The following ADARB2 variants were observed in gnomAD, a reference collection of about 807,000 sequenced individuals.
The protein encoded by ADARB2 is inactive double-stranded RNA-specific editase B2.
ADARB2 carries 25 observed loss-of-function variants against 62.2 expected under a neutral mutation model. The ratio of observed to expected loss-of-function variants is 0.40; its 90% CI spans 0.29 to 0.56. The LOEUF is 0.56. Among genes scored for constraint, ADARB2 ranks in the 20% least tolerant of loss-of-function variants. The pLI, the probability that ADARB2 is intolerant of heterozygous loss-of-function variation, is 0.43. For missense variants in ADARB2, 1,071 were observed against 1,077.4 expected (o/e 0.99, Z 0.08); for synonymous variants, 572 against 500.8 (o/e 1.14, Z -1.90).
At chr10:1,243,326 C>G (rs1830945526) in intron 4 of ADARB2, among the ~76,000 whole-genome samples, 1 of 152,244 alleles carries the variant, frequency 6.6e-6, no homozygotes, top group Non-Finnish European at 1.5e-5. Flanking sequence ...CCTGTAAATA[C>G]ACGTCCGGAC....
rs146089128 is a variant in ADARB2 at position 1,315,341 on chromosome 10, G to A, written c.1078-44272C>T. Among the ~76,000 whole-genome samples, 1,464 of 152,320 alleles carry A rather than the reference G, an allele frequency of 9.6e-3. 76 individuals carry two copies. Among genetic ancestry groups the A allele is most frequent in the Admixed American group, 0.079 (1,203 of 15,308 alleles). Reference sequence around the variant, plus strand: ...GGCTTCCAAGGTTTCCGCCTTCATTGATTGCTGCTGGGGCACCCAGCACGG... The same window carrying A: ...GGCTTCCAAGGTTTCCGCCTTCATTAATTGCTGCTGGGGCACCCAGCACGG... On this transcript the variant is annotated intron_variant, in intron 3 of 9. Transcript: ENST00000381312.
At chr10:1,293,170 G>A (rs1831488494) in intron 3 of ADARB2, among the ~76,000 whole-genome samples, 2 of 56,612 alleles carry the variant, frequency 3.5e-5, no homozygotes, top group African/African-American at 1.5e-4. Flanking sequence ...TAAGAAGGGG[G>A]GAGAGGGGGA....
chr10:1,366,568 C>G (rs550184938), intron 2 of ADARB2, among the ~76,000 whole-genome samples: 56 of 152,322 alleles, frequency 3.7e-4, no homozygotes, highest in African/African-American at 1.2e-3. Context: ...CCGATTTTCT[C>G]AGTGGGGAAG....
chr10:1,462,689 G>T (rs749337138), intron 1 of ADARB2, among the ~76,000 whole-genome samples: 21 of 151,814 alleles, frequency 1.4e-4, no homozygotes, highest in Non-Finnish European at 2.6e-4. Flanking sequence ...ATGTGTGCAT[G>T]TGTGTGTGCC....
intron 2 of ADARB2, among the ~76,000 whole-genome samples, chr10:1,377,890 C>T (rs143774399): frequency 1.4e-3 from 212 of 152,270 alleles, no homozygotes; most frequent in African/African-American, 4.9e-3. Context: ...AATTATTATG[C>T]TGTCTGGGAA....
At chr10:1,346,220 C>T (rs531216519) in intron 3 of ADARB2, among the ~76,000 whole-genome samples, 2 of 152,254 alleles carry the variant, frequency 1.3e-5, no homozygotes, top group African/African-American at 4.8e-5. Flanking sequence ...ACTCTCATTC[C>T]ACTTTATTAC....
At chr10:1,346,592 G>C (rs1379968010) in intron 3 of ADARB2, among the ~76,000 whole-genome samples, 1 of 152,218 alleles carries the variant, frequency 6.6e-6, no homozygotes, top group Non-Finnish European at 1.5e-5. Flanking sequence ...AAACAGATTT[G>C]ACCCCCAGCC....
intron 1 of ADARB2, among the ~76,000 whole-genome samples, chr10:1,561,279 G>A (rs899291771): frequency 4.6e-5 from 7 of 152,168 alleles, no homozygotes; most frequent in African/African-American, 1.7e-4. Flanking sequence ...GTGTGCCCTG[G>A]CTGCGGGACT....
intron 1 of ADARB2, among the ~76,000 whole-genome samples, chr10:1,544,403 G>C (rs1415396815): frequency 6.6e-6 from 1 of 152,210 alleles, no homozygotes; most frequent in Admixed American, 6.5e-5. Flanking sequence ...CCTTGGCCCA[G>C]GGCAGGCTTC....
chr10:1,293,202 AAG>A (rs1210435391), intron 3 of ADARB2, among the ~76,000 whole-genome samples: 31 of 41,478 alleles, frequency 7.5e-4, no homozygotes, highest in African/African-American at 2.8e-3. Flanking sequence ...GAATAGAAAA[AAG>A]AGGGAGGGAG....
intron 1 of ADARB2, among the ~76,000 whole-genome samples, chr10:1,449,693 C>T (rs2676174): frequency 1.3e-5 from 2 of 152,102 alleles, no homozygotes; most frequent in African/African-American, 2.4e-5. Flanking sequence ...CCTTTAAAGG[C>T]GGGGACACAG....
intron 1 of ADARB2, among the ~76,000 whole-genome samples, chr10:1,494,855 A>T (rs1831667907): frequency 6.6e-6 from 1 of 152,204 alleles, no homozygotes; most frequent in African/African-American, 2.4e-5. Flanking sequence ...CACCTGGTGG[A>T]TTATTGCAGC....
chr10:1,348,890 C>A (rs936250692), intron 3 of ADARB2, among the ~76,000 whole-genome samples: 1 of 152,150 alleles, frequency 6.6e-6, no homozygotes, highest in African/African-American at 2.4e-5. Context: ...GGCATGCAAG[C>A]GACAGCGGCC....
At chr10:1,280,872 G>T (rs943887653) in intron 3 of ADARB2, among the ~76,000 whole-genome samples, 1 of 152,182 alleles carries the variant, frequency 6.6e-6, no homozygotes, top group Admixed American at 6.5e-5. Context: ...GCTGGATTCA[G>T]AGAACCCCAG....
chr10:1,608,798 A>AAGAAAGAAAGAAAGAG (rs1386459062), intron 1 of ADARB2, among the ~76,000 whole-genome samples: 1 of 145,794 alleles, frequency 6.9e-6, no homozygotes, highest in Non-Finnish European at 1.5e-5. Flanking sequence ...GAAAGAAAGA[A>AAGAAAGAAAGAAAGAG]AAGCAAGGGA....
rs540196400 is a variant in ADARB2 at position 1,438,666 on chromosome 10, G to T, written c.101-59506C>A. Among the ~76,000 whole-genome samples the T allele has an allele frequency of 1.4e-4, 22 of 152,242 alleles. No individual in the cohort carries two copies. The South Asian group carries it at 2.5e-3, about 17-fold the overall frequency. ...AACAGAGGCAGATCCTTCACTATGG[G>T]GCTCCTGAGTCTCCCCCCGGATAGA... On this transcript the variant is annotated intron_variant, in intron 1 of 9. Transcript: ENST00000381312.
At chr10:1,578,217 C>G (rs545216942) in intron 1 of ADARB2, among the ~76,000 whole-genome samples, 1 of 152,084 alleles carries the variant, frequency 6.6e-6, no homozygotes. Flanking sequence ...ACAGATGGCA[C>G]GTGCAGAGGC....
At chr10:1,733,647 C>CTT (rs1484877320) in intron 1 of ADARB2, among the ~76,000 whole-genome samples, 2 of 152,088 alleles carry the variant, frequency 1.3e-5, no homozygotes, top group African/African-American at 4.8e-5. Context: ...AAAAAAAACC[C>CTT]TTTTTCTTTA....
At chr10:1,564,970 T>C (rs1832838549) in intron 1 of ADARB2, among the ~76,000 whole-genome samples, 2 of 152,210 alleles carry the variant, frequency 1.3e-5, no homozygotes, top group Admixed American at 6.5e-5. Context: ...AGGCCTGGCC[T>C]CGGCCGTAGA....
Sources: allele counts gnomAD v4.1 joint callset (sites outside exome capture counted in the v4.1 genomes callset), GRCh38; gene constraint gnomAD v4.1.1; transcripts MANE v1.5; gene names NCBI Gene and HGNC (gene_info 2026-07-23, HGNC 2026-07-21).